The following PCDH15 variants were observed in gnomAD, a reference collection of about 807,000 sequenced individuals.
PCDH15 encodes the protein protocadherin-15.
In PCDH15, 129 loss-of-function variants were observed where a neutral mutation model predicts 178.5. That is an observed-to-expected ratio of 0.72 (90% CI 0.63 to 0.84). PCDH15 has a LOEUF of 0.84. Ranked by LOEUF, PCDH15 falls within the 40% of genes least tolerant of loss-of-function variation. The pLI, the probability that PCDH15 is intolerant of heterozygous loss-of-function variation, is 0.00. For missense variants in PCDH15, 2,230 were observed against 2,099.9 expected, an observed-to-expected ratio of 1.06 and a Z score of -1.21; for synonymous variants, 800 against 732.0, an observed-to-expected ratio of 1.09 and a Z score of -1.50.
In PCDH15 at chr10:54,660,422, T is replaced by C. The variant is rs1376747798; in HGVS notation, c.91+3750A>G. ...CAGCCAAGATTGAACCAGGAGGAAA[T>C]TGAAATCCTGAAGAGACATATAATG... On this transcript the variant is annotated intron_variant, in intron 2 of 37. Transcript: ENST00000644397. Among the ~76,000 whole-genome samples the C allele has an allele frequency of 3.3e-5, 5 of 151,992 alleles. No homozygotes were observed. The East Asian group carries it at 7.8e-4, about 24-fold the overall frequency.
intron 13 of PCDH15, among the ~76,000 whole-genome samples, chr10:54,168,313 C>T (rs1414160491): frequency 2.0e-5 from 3 of 152,094 alleles, no homozygotes; most frequent in African/African-American, 7.2e-5. Context: ...CAATGCAACT[C>T]GTCCCAAATC....
intron 2 of PCDH15, among the ~76,000 whole-genome samples, chr10:55,530,636 G>A (rs560490155): frequency 6.6e-6 from 1 of 151,992 alleles, no homozygotes; most frequent in African/African-American, 2.4e-5. Context: ...AAAGTTTAGA[G>A]AAGTGGGAAA....
In PCDH15 at chr10:55,511,056, T is replaced by G. The variant is rs904748162; in HGVS notation, c.-156+116569A>C. Among the ~76,000 whole-genome samples the G allele has an allele frequency of 4.5e-3, 688 of 151,262 alleles. 5 individuals are homozygous for G. The highest frequency in any genetic ancestry group is 0.016 in the African/African-American group (657 of 41,310). ...TTTTTTTTGTTTGTTTGTTTGTTTT[T>G]TTTTTTAGAGATACAGGTCTTTCCC... On this transcript the variant is annotated intron_variant, in intron 2 of 5. Coordinates refer to the PCDH15 transcript ENST00000613346.
chr10:54,534,645 C>T (rs1442587137), intron 2 of PCDH15, among the ~76,000 whole-genome samples: 1 of 152,212 alleles, frequency 6.6e-6, no homozygotes, highest in East Asian at 1.9e-4. Context: ...CACAGACACA[C>T]ACACACACTG....
intron 1 of PCDH15, among the ~76,000 whole-genome samples, chr10:55,296,738 A>C (rs1350362467): frequency 1.3e-5 from 2 of 152,110 alleles, no homozygotes; most frequent in East Asian, 3.9e-4. Flanking sequence ...TTAAACTTAG[A>C]CATAGTAAAA....
chr10:54,776,834 C>T (rs1949758454), intron 1 of PCDH15, among the ~76,000 whole-genome samples: 1 of 151,890 alleles, frequency 6.6e-6, no homozygotes, highest in African/African-American at 2.4e-5. Flanking sequence ...ATAGAGAGGA[C>T]CAAGAAGCTG....
At chr10:55,257,077 G>C (rs901664295) in intron 1 of PCDH15, among the ~76,000 whole-genome samples, 1 of 152,172 alleles carries the variant, frequency 6.6e-6, no homozygotes, top group Non-Finnish European at 1.5e-5. Flanking sequence ...AATATCCACT[G>C]TTCTGCAGCC....
At chr10:54,424,843 A>G (rs1332737921) in intron 3 of PCDH15, among the ~76,000 whole-genome samples, 3 of 120,860 alleles carry the variant, frequency 2.5e-5, no homozygotes, top group Non-Finnish European at 4.9e-5. Context: ...GGAACATCAC[A>G]CACTGGGGCC....
In PCDH15 at chr10:55,117,053, T is replaced by C. The variant is rs538382559; in HGVS notation, c.-80+49523A>G. On this transcript the variant is annotated intron_variant, in intron 2 of 5. Transcript: ENST00000458638. Reference sequence around the variant, plus strand: ...TTCTTCATCAAACTTAGCATAAAAATACACAGTTTTCCCTGTTTTGGGGGT... The same window carrying C: ...TTCTTCATCAAACTTAGCATAAAAACACACAGTTTTCCCTGTTTTGGGGGT... Among the ~76,000 whole-genome samples the C allele has an allele frequency of 2.6e-5, 4 of 152,304 alleles. No homozygotes were observed. In the South Asian group the frequency reaches 8.3e-4, roughly 32 times the overall value.
At chr10:54,577,188 T>C (rs942582837) in intron 2 of PCDH15, among the ~76,000 whole-genome samples, 2 of 151,944 alleles carry the variant, frequency 1.3e-5, no homozygotes, top group African/African-American at 2.4e-5. Context: ...GTTCAAGTGA[T>C]TCTCCTGCCT....
intron 1 of PCDH15, among the ~76,000 whole-genome samples, chr10:55,224,087 G>A (rs957628713): frequency 2.0e-5 from 3 of 152,024 alleles, no homozygotes; most frequent in Admixed American, 2.0e-4. Context: ...CCCTATTTCA[G>A]CCCCTTGGGA....
intron 2 of PCDH15, among the ~76,000 whole-genome samples, chr10:55,364,827 T>TCAGAATGTGTGTGTCTTTTTTTG (rs1309901874): frequency 1.3e-5 from 2 of 152,140 alleles, no homozygotes; most frequent in African/African-American, 2.4e-5. Context: ...AGTTCACACA[T>TCAGAATGTGTGTGTCTTTTTTTG]TCTGCCCTCT....
chr10:54,693,976 C>T (rs915084361), intron 1 of PCDH15, among the ~76,000 whole-genome samples: 1 of 152,008 alleles, frequency 6.6e-6, no homozygotes, highest in African/African-American at 2.4e-5. Context: ...CCAACTAGGC[C>T]TAGGTTTGAG....
intron 1 of PCDH15, among the ~76,000 whole-genome samples, chr10:55,211,560 T>G (rs892430735): frequency 2.0e-5 from 3 of 152,128 alleles, no homozygotes; most frequent in Non-Finnish European, 4.4e-5. Flanking sequence ...TTCCTCTCTC[T>G]CTACCCAAAT....
rs1297326865 is a variant in PCDH15 at position 54,743,200 on chromosome 10, A to G, written c.-29+57725T>C. On this transcript the variant is annotated intron_variant, in intron 1 of 37. Coordinates refer to ENST00000644397, the MANE Select transcript of PCDH15 (RefSeq NM_001384140.1). Reference sequence around the variant, plus strand: ...TGTTCCTGGATATCTTGGAACATCAAGTAAATTATTAAGTTCTTATATATA... The same window carrying G: ...TGTTCCTGGATATCTTGGAACATCAGGTAAATTATTAAGTTCTTATATATA... 2.0e-5 allele frequency among the ~76,000 whole-genome samples: 3 copies of G among 152,076 alleles called. No homozygotes were observed. The East Asian group carries it at 5.8e-4, about 29-fold the overall frequency.
intron 2 of PCDH15, among the ~76,000 whole-genome samples, chr10:55,325,283 A>G (rs1844001472): frequency 6.6e-6 from 1 of 152,158 alleles, no homozygotes; most frequent in Admixed American, 6.6e-5. Flanking sequence ...AGCAAAAATA[A>G]CAAAGCCTGA....
intron 2 of PCDH15, among the ~76,000 whole-genome samples, chr10:55,094,821 G>A (rs371414376): frequency 2.4e-4 from 37 of 151,772 alleles, no homozygotes; most frequent in African/African-American, 7.7e-4. Context: ...CCAGTAATTG[G>A]GAATTATTTC....
chr10:54,281,638 C>A (rs868152658), intron 8 of PCDH15, among the ~76,000 whole-genome samples: 3 of 151,824 alleles, frequency 2.0e-5, no homozygotes, highest in Non-Finnish European at 4.4e-5. Flanking sequence ...AAAAATTGAC[C>A]TTTTGTTTTA....
intron 1 of PCDH15, among the ~76,000 whole-genome samples, chr10:55,203,749 A>G (rs923227017): frequency 6.6e-6 from 1 of 152,118 alleles, no homozygotes; most frequent in African/African-American, 2.4e-5. Flanking sequence ...AAGATTCCTA[A>G]TATCCACTGG....
Sources: gnomAD v4.1 joint callset for allele counts (sites outside exome capture counted in the v4.1 genomes callset) on GRCh38, gnomAD v4.1.1 for gene constraint, MANE v1.5 for transcripts, NCBI Gene and HGNC (gene_info 2026-07-23, HGNC 2026-07-21) for gene names.